VPS50: variants seen among roughly 807,000 people sequenced by gnomAD.
VPS50 encodes the protein syndetin.
Under a neutral mutation model 139.7 loss-of-function variants are expected in VPS50, and 70 were observed. The observed-to-expected ratio is 0.50, with a 90% confidence interval of 0.41 to 0.61. The LOEUF (loss-of-function observed/expected upper bound fraction) is 0.61. Ranked by LOEUF, VPS50 falls within the 20% of genes least tolerant of loss-of-function variation. The probability of loss-of-function intolerance (pLI) is 0.00; values close to 1 mark genes in which losing one functional copy is unlikely to be tolerated. For missense variants in VPS50, 921 were observed against 1,133.7 expected (o/e 0.81, Z 2.69); for synonymous variants, 365 against 376.7 (o/e 0.97, Z 0.36).
At chr7:93,311,317 T>G (rs903170914) in intron 20 of VPS50, 45 bp downstream of exon 20, 1 of 839,512 alleles carries the variant, frequency 1.2e-6, no homozygotes, top group Non-Finnish European at 2.1e-6. Flanking sequence ...GTTAAATTAG[T>G]TTGTTACCGA....
chr7:93,242,875 CTGTT>C (rs1466251532), intron 2 of VPS50, among the ~76,000 whole-genome samples: 1 of 151,824 alleles, frequency 6.6e-6, no homozygotes, highest in Non-Finnish European at 1.5e-5. Context: ...TAAATGATGG[CTGTT>C]TAAGTTTAAA....
intron 3 of VPS50, among the ~76,000 whole-genome samples, chr7:93,253,562 C>T (rs1584390865): frequency 6.6e-6 from 1 of 152,122 alleles, no homozygotes; most frequent in Non-Finnish European, 1.5e-5. Flanking sequence ...CAGTGTCTGT[C>T]GGCCTAGGGT....
At chr7:93,264,871 A>G (rs559952777) in intron 9 of VPS50, among the ~76,000 whole-genome samples, 22 of 152,110 alleles carry the variant, frequency 1.4e-4, no homozygotes, top group South Asian at 1.2e-3. Flanking sequence ...AGCTTGATCC[A>G]TTGTCTAGAT....
intron 12 of VPS50, among the ~76,000 whole-genome samples, chr7:93,287,840 G>T (rs1796536439): frequency 6.6e-6 from 1 of 152,036 alleles, no homozygotes; most frequent in South Asian, 2.1e-4. Flanking sequence ...CTGTGCATTA[G>T]TATTGGCTTT....
At chr7:93,259,493 A>G (rs1795599576) in intron 8 of VPS50, 57 bp from the exon 9 acceptor site, 1 of 870,772 alleles carries the variant, frequency 1.1e-6, no homozygotes, top group Non-Finnish European at 1.9e-6. Context: ...TTTTTTTATC[A>G]GGGGCTTTAA....
intron 23 of VPS50, among the ~76,000 whole-genome samples, chr7:93,346,271 T>C (rs1260523364): frequency 2.0e-5 from 3 of 152,164 alleles, no homozygotes; most frequent in African/African-American, 4.8e-5. Context: ...TTACAAGGGA[T>C]GTGAAGGACC....
intron 10 of VPS50, among the ~76,000 whole-genome samples, chr7:93,271,500 A>G (rs1180655803): frequency 6.6e-6 from 1 of 151,794 alleles, no homozygotes; most frequent in East Asian, 1.9e-4. Flanking sequence ...AAAATTTCCA[A>G]ACTATTAGTC....
Position 93,311,156 on chromosome 7 carries a change from C to T in VPS50, c.1749-10C>T. On this transcript the variant is annotated splice_polypyrimidine_tract_variant and intron_variant, in intron 19 of 27. Transcript: ENST00000305866. Reference sequence around the variant, plus strand: ...ACTCTAGCAACTCTGTTTTGTTTTTCCATATCAAGTGTTTCTCGGGAAACT... The same window carrying T: ...ACTCTAGCAACTCTGTTTTGTTTTTTCATATCAAGTGTTTCTCGGGAAACT... The T allele has an allele frequency of 9.6e-7, 1 of 1,041,102 alleles. No individual in the cohort carries two copies. The allele number at this position is 1,041,102 out of a possible 1,614,324, so 64.5% of individuals were successfully genotyped here. A position where few individuals can be genotyped will look rare whatever the true frequency, so the allele number is the denominator to read the frequency against.
intron 25 of VPS50, among the ~76,000 whole-genome samples, chr7:93,352,723 T>C (rs1798593613): frequency 6.6e-6 from 1 of 152,282 alleles, no homozygotes; most frequent in Admixed American, 6.5e-5. Flanking sequence ...AACCTTCTGC[T>C]CTTTCCGTCT....
chr7:93,326,465 A>T (rs1365515994), intron 21 of VPS50, among the ~76,000 whole-genome samples: 12 of 148,754 alleles, frequency 8.1e-5, no homozygotes, highest in African/African-American at 2.5e-4. Flanking sequence ...AAAAAAAAAT[A>T]AAATAAAATA....
In VPS50 at chr7:93,271,173, A is replaced by G. The variant is rs527426642; in HGVS notation, c.660-47A>G. On this transcript the variant is annotated intron_variant, in intron 9 of 27. Transcript: ENST00000305866. Reference sequence around the variant, plus strand: ...GTTAGTATGTATTTATTTAGCACTTAGTTTGTCTCAGAAATAGAAAAAAAC... The same window carrying G: ...GTTAGTATGTATTTATTTAGCACTTGGTTTGTCTCAGAAATAGAAAAAAAC... 4.5e-6 allele frequency: 7 copies of G among 1,548,450 alleles called. No homozygotes were observed. In the African/African-American group the frequency reaches 8.6e-5, roughly 19 times the overall value.
At chr7:93,295,259 C>CCTG (rs1321686190) in intron 14 of VPS50, among the ~76,000 whole-genome samples, 1 of 152,038 alleles carries the variant, frequency 6.6e-6, no homozygotes, top group African/African-American at 2.4e-5. Context: ...GGAGGGAGGG[C>CCTG]CTGCTTCCTG....
intron 20 of VPS50, among the ~76,000 whole-genome samples, chr7:93,312,511 G>A (rs1048618133): frequency 6.6e-6 from 1 of 152,120 alleles, no homozygotes; most frequent in East Asian, 1.9e-4. Context: ...ATTAGTAGAA[G>A]TATCTTCCCT....
intron 12 of VPS50, among the ~76,000 whole-genome samples, chr7:93,277,047 A>G (rs1043696325): frequency 1.8e-4 from 28 of 152,214 alleles, no homozygotes; most frequent in Admixed American, 9.2e-4. Context: ...TTGTATTTAA[A>G]GCCCTGATAC....
chr7:93,357,450 C>T (rs1260912911), intron 27 of VPS50, among the ~76,000 whole-genome samples: 1 of 152,120 alleles, frequency 6.6e-6, no homozygotes, highest in Non-Finnish European at 1.5e-5. Flanking sequence ...GATGGATCCT[C>T]ACTGAATGCT....
intron 8 of VPS50, among the ~76,000 whole-genome samples, chr7:93,258,875 C>G (rs1237576852): frequency 2.6e-5 from 4 of 151,924 alleles, no homozygotes; most frequent in South Asian, 2.1e-4. Flanking sequence ...TACTTGAGCT[C>G]CTTGGGGTAG....
rs568545771 is a variant in VPS50 at position 93,355,406 on chromosome 7, T to C, written c.2586-485T>C. On this transcript the variant is annotated intron_variant, in intron 26 of 27. Transcript: ENST00000305866. ...ATGAAAAATATATATATACTTTCTA[T>C]GCTTACATGCTTACACATTTCTTTA... 2.8e-4 allele frequency among the ~76,000 whole-genome samples: 42 copies of C among 152,336 alleles called. No homozygotes were observed. The South Asian group carries it at 8.1e-3, about 29-fold the overall frequency.
intron 10 of VPS50, 71 bp downstream of exon 10, chr7:93,271,333 A>T (rs991080933): frequency 6.9e-7 from 1 of 1,443,786 alleles, no homozygotes; most frequent in Non-Finnish European, 9.1e-7. Flanking sequence ...TAGGTGCAAC[A>T]TTGTGTTTTG....
intron 2 of VPS50, among the ~76,000 whole-genome samples, chr7:93,244,706 G>C (rs1257061108): frequency 6.6e-6 from 1 of 151,784 alleles, no homozygotes; most frequent in Non-Finnish European, 1.5e-5. Context: ...TTTATGACTA[G>C]GTGAATTTAT....
Sources: gnomAD v4.1 joint callset for allele counts (sites outside exome capture counted in the v4.1 genomes callset) on GRCh38, gnomAD v4.1.1 for gene constraint, MANE v1.5 for transcripts, NCBI Gene and HGNC (gene_info 2026-07-23, HGNC 2026-07-21) for gene names.